The following RECQL variants were observed in gnomAD, a reference collection of about 807,000 sequenced individuals.
RECQL encodes RecQ like helicase, also known as ATP-dependent DNA helicase Q1.
A neutral mutation model predicts 75.8 loss-of-function variants in RECQL; 73 were observed. The ratio of observed to expected loss-of-function variants is 0.96; its 90% confidence interval spans 0.80 to 1.17. The LOEUF (loss-of-function observed/expected upper bound fraction) is 1.17. RECQL is among the 50% of genes most tolerant of loss of function. The probability of loss-of-function intolerance (pLI) is 0.00; values close to 1 mark genes in which losing one functional copy is unlikely to be tolerated. For missense variants in RECQL, 699 were observed against 772.1 expected (o/e 0.91, Z 1.12); for synonymous variants, 248 against 254.4 (o/e 0.97, Z 0.24).
At chr12:21,491,474 A>G in intron 3 of RECQL, 45 bp downstream of exon 3, 2 of 1,519,342 alleles carry the variant, frequency 1.3e-6, no homozygotes, top group Non-Finnish European at 1.8e-6. Context: ...TTTTTAAAAT[A>G]TGAGAAGAAA....
In RECQL at chr12:21,501,454, T is replaced by C. The variant is rs1943615435; in HGVS notation, c.-330A>G. On this transcript the variant is annotated 5_prime_UTR_variant, in exon 1 of 15. Transcript: ENST00000444129. ...CTGTAACAGTAGTTATCCCAGAGCC[T>C]CTCCCCACCGAGAAGCCCGGTCTAA... is the stretch of plus-strand genomic sequence containing the variant. The C allele has an allele frequency of 1.3e-5, 2 of 158,640 alleles. No homozygotes were observed. The highest frequency in any genetic ancestry group is 1.4e-4 in the South Asian group (1 of 7,226). 9.8% of individuals were successfully genotyped at this position (158,640 alleles called of 1,614,324 possible).
At position 21,470,255 on chromosome 12, in the gene RECQL, A is replaced by G. The variant is rs1172091042; in HGVS notation, c.1889T>C (p.Met630Thr). 5.0e-6 allele frequency: 8 copies of G among 1,608,006 alleles called. No individual in the cohort carries two copies. Among genetic ancestry groups the G allele is most frequent in the Admixed American group, 1.7e-5 (1 of 58,952 alleles). The change falls in exon 15 of 15, where the codon ATG becomes ACG. Residue 630 changes from methionine (M) to threonine (T), a missense_variant. Physicochemically the swap from Met to Thr is moderately conservative, Grantham distance 81 (BLOSUM62 -1). Transcript: ENST00000444129. Reference protein sequence around the residue: ...SGNFQKKAANMLQQSGSKNTG... With the variant: ...SGNFQKKAANTLQQSGSKNTG... ...ATTCTTAGAACCAGATTGCTGAAGC[A>G]TGTTTGCAGCCTTCTTCTGGAAGTT...
chr12:21,499,645 A>C (rs1176253011), intron 1 of RECQL, 30 bp from the exon 2 acceptor site: 1 of 1,237,374 alleles, frequency 8.1e-7, no homozygotes, highest in Non-Finnish European at 1.2e-6. Context: ...AGTGACAACA[A>C]GTTTTTAAAA....
chr12:21,475,082 C>G, intron 10 of RECQL, 103 bp from the exon 11 acceptor site: 4 of 1,164,026 alleles, frequency 3.4e-6, no homozygotes, highest in Non-Finnish European at 4.8e-6. Flanking sequence ...TATACTACAT[C>G]TAGAAATTTT....
At position 21,468,927 on chromosome 12, in the gene RECQL, CAA is replaced by C. The variant is rs1942856845; in HGVS notation, c.*1265_*1266del. On this transcript the variant is annotated 3_prime_UTR_variant, in exon 15 of 15. Transcript: ENST00000444129. ...ATAAATTCTAAGTTTGAAATCAGTTCAAAGTTTATTTATAGATATATCTTTCC... is the reference window on the plus strand; with the variant it reads ...ATAAATTCTAAGTTTGAAATCAGTTCAGTTTATTTATAGATATATCTTTCC... The C allele has an allele frequency of 1.6e-6, 1 of 621,034 alleles. No homozygotes were observed. Among genetic ancestry groups the C allele is most frequent in the East Asian group, 3.2e-5 (1 of 31,308 alleles). The allele number at this position is 621,034 out of a possible 1,614,324, so 38.5% of individuals were successfully genotyped here.
intron 14 of RECQL, 58 bp from the exon 15 acceptor site, chr12:21,470,404 T>G: frequency 6.8e-7 from 1 of 1,472,942 alleles, no homozygotes. Flanking sequence ...GCTATTCAGT[T>G]TTCTCATGAG....
chr12:21,486,921 C>CCTTGG (rs1459381869), intron 4 of RECQL, among the ~76,000 whole-genome samples: 1 of 152,050 alleles, frequency 6.6e-6, no homozygotes, highest in Non-Finnish European at 1.5e-5. Flanking sequence ...AATCTGCCCA[C>CCTTGG]CTTGGCCTCC....
At chr12:21,474,114 G>C (rs942863919) in intron 11 of RECQL, among the ~76,000 whole-genome samples, 1 of 150,960 alleles carries the variant, frequency 6.6e-6, no homozygotes, top group Admixed American at 6.6e-5. Flanking sequence ...CAACTATTAG[G>C]AGAATATTCT....
intron 7 of RECQL, among the ~76,000 whole-genome samples, chr12:21,477,393 CAAAT>C (rs1418573034): frequency 3.3e-5 from 5 of 152,136 alleles, no homozygotes; most frequent in South Asian, 4.2e-4. Context: ...TCAAGTTTAT[CAAAT>C]AAAATTCAAA....
At chr12:21,499,030 A>G (rs147954346) in intron 2 of RECQL, among the ~76,000 whole-genome samples, 6 of 152,338 alleles carry the variant, frequency 3.9e-5, no homozygotes, top group African/African-American at 1.4e-4. Flanking sequence ...AGCATCACCC[A>G]AAGACGAATA....
At chr12:21,497,425 G>C (rs1481135758) in intron 2 of RECQL, among the ~76,000 whole-genome samples, 1 of 152,208 alleles carries the variant, frequency 6.6e-6, no homozygotes, top group African/African-American at 2.4e-5. Context: ...GAGTGATCCT[G>C]AAAAACATTG....
At chr12:21,483,273 T>C in intron 6 of RECQL, 103 bp downstream of exon 6, 1 of 804,138 alleles carries the variant, frequency 1.2e-6, no homozygotes, top group Non-Finnish European at 2.0e-6. Context: ...AATGTGTAAC[T>C]ACTTGAGGAT....
chr12:21,491,440 G>C, intron 3 of RECQL, 79 bp downstream of exon 3: 1 of 1,361,054 alleles, frequency 7.3e-7, no homozygotes, highest in Non-Finnish European at 9.8e-7. Context: ...GGAAAGCACT[G>C]TCCCATCAAG....
intron 4 of RECQL, among the ~76,000 whole-genome samples, chr12:21,489,225 G>A (rs1041246865): frequency 6.6e-6 from 1 of 152,186 alleles, no homozygotes; most frequent in African/African-American, 2.4e-5. Context: ...TATTTTAATG[G>A]AACACAGCTA....
intron 5 of RECQL, among the ~76,000 whole-genome samples, chr12:21,485,069 G>C (rs1943263928): frequency 6.6e-6 from 1 of 151,924 alleles, no homozygotes; most frequent in South Asian, 2.1e-4. Flanking sequence ...GTGCCACTCA[G>C]TGGCTGCTAA....
chr12:21,499,234 T>C (rs112656083), intron 2 of RECQL, among the ~76,000 whole-genome samples: 9 of 152,284 alleles, frequency 5.9e-5, no homozygotes, highest in African/African-American at 2.2e-4. Flanking sequence ...GAAAGTAGAA[T>C]AGTGGCTATC....
In RECQL at chr12:21,477,817, T is replaced by C. The variant is rs755038557; in HGVS notation, c.853A>G (p.Asn285Asp). ...FTFTASFNRP[N>D]LYYEVRQKPS... ...AAATTACATACCTCATAATATAGAT[T>C]TGGCCTATTAAAAGAAGCTGTAAAA... The change falls in exon 7 of 15, where the codon AAT becomes GAT. Residue 285 changes from asparagine to aspartate, a missense_variant. Around this residue, in one of 2 missense-constraint regions of RECQL, gnomAD observed 669 missense variants for 713.5 expected, o/e 0.94. Coordinates refer to ENST00000444129, the MANE Select transcript of RECQL (RefSeq NM_002907.4). 6.2e-7 allele frequency: 1 copy of C among 1,611,910 alleles called. No homozygotes were observed. The highest frequency in any genetic ancestry group is 8.5e-7 in the Non-Finnish European group (1 of 1,178,616).
rs1943402983 is a variant in RECQL, at chr12:21,491,090, C to A, written c.214+429G>T. Among the ~76,000 whole-genome samples, 3 of 152,100 alleles carry A rather than the reference C, an allele frequency of 2.0e-5. No individual in the cohort carries two copies. In the South Asian group the frequency reaches 6.2e-4, roughly 31 times the overall value. ...AAGCAACATCCACAAAAAGCACAATCCCTTCTAGAGTTATTCTAATTATTC... is the reference window on the plus strand; with the variant it reads ...AAGCAACATCCACAAAAAGCACAATACCTTCTAGAGTTATTCTAATTATTC... On this transcript the variant is annotated intron_variant, in intron 3 of 14. Transcript: ENST00000444129.
In RECQL at chr12:21,468,996, ATTTC is replaced by A. The variant is rs1942859059; in HGVS notation, c.*1194_*1197del. ...CTTAGATAAAAATCTTAAGTTATTT[ATTTC>A]TGTGTTTTAAACATAAATATGTTTA... On this transcript the variant is annotated 3_prime_UTR_variant, in exon 15 of 15. Transcript: ENST00000444129. 1 of 358,490 alleles carries A rather than the reference ATTTC, an allele frequency of 2.8e-6. No homozygotes were observed. The highest frequency in any genetic ancestry group is 5.0e-6 in the Non-Finnish European group (1 of 198,234). The allele number at this position is 358,490 out of a possible 1,614,324, so 22.2% of individuals were successfully genotyped here.
Sources: allele counts gnomAD v4.1 joint callset (sites outside exome capture counted in the v4.1 genomes callset), GRCh38; gene constraint gnomAD v4.1.1; regional missense constraint gnomAD v4.1.1; transcripts MANE v1.5; gene names NCBI Gene and HGNC (gene_info 2026-07-23, HGNC 2026-07-21).